Variants in BRIP1 observed in about 807,000 individuals in gnomAD.
The protein encoded by BRIP1 is BRCA1 interacting DNA helicase 1.
BRIP1 carries 88 observed loss-of-function variants against 119.7 expected under a neutral mutation model. That is an observed-to-expected ratio of 0.74 (90% confidence interval 0.62 to 0.88). BRIP1 has a LOEUF of 0.88. Ranked by LOEUF, BRIP1 falls within the 40% of genes least tolerant of loss-of-function variation. The pLI is 0.00. For synonymous variants in BRIP1, 443 were observed against 496.5 expected, an observed-to-expected ratio of 0.89 and a Z score of 1.43; for missense variants, 1,259 against 1,455.4, an observed-to-expected ratio of 0.87 and a Z score of 2.20.
rs2061987670 is a variant in BRIP1, at chr17:61,722,018, C to T, written c.2380-5955G>A. Among the ~76,000 whole-genome samples the T allele has an allele frequency of 6.7e-6, 1 of 148,956 alleles. No homozygotes were observed. Among genetic ancestry groups the T allele is most frequent in the East Asian group, 2.0e-4 (1 of 5,032 alleles). The stretch of plus-strand genomic sequence containing the variant: ...TGCTGGGATTACAGGTGTGAGCCAC[C>T]ACGCCTAGCCAACTTTGCTTTTTTT... On this transcript the variant is annotated intron_variant, in intron 16 of 19. Transcript: ENST00000259008. This position sits in a 1 kb window ranked among gnomAD's most constrained non-coding sequence, Gnocchi z 4.6.
Position 61,738,722 on chromosome 17 carries a change from T to C in BRIP1, c.2379+4291A>G, listed in dbSNP as rs574021328. On this transcript the variant is annotated intron_variant, in intron 16 of 19. Transcript: ENST00000259008. This position sits in a 1 kb window ranked among gnomAD's most constrained non-coding sequence, Gnocchi z 4.2. ...GAGAAATGGAATTTTCTCACAAATG[T>C]ATATTTTTAATTTTAAGAATTTTTG... Among the ~76,000 whole-genome samples the C allele has an allele frequency of 2.0e-5, 3 of 152,200 alleles. No homozygotes were observed. Among genetic ancestry groups the C allele is most frequent in the Non-Finnish European group, 4.4e-5 (3 of 68,032 alleles).
At chr17:61,781,108 G>A (rs994269585) in intron 11 of BRIP1, 103 bp from the exon 12 acceptor site, 45 of 1,039,764 alleles carry the variant, frequency 4.3e-5, no homozygotes, top group Non-Finnish European at 6.3e-5. Context: ...ATTTGAAAGA[G>A]CTGGTACCTT....
intron 17 of BRIP1, among the ~76,000 whole-genome samples, chr17:61,696,354 T>C (rs2061521101): frequency 6.6e-6 from 1 of 152,166 alleles, no homozygotes; most frequent in Admixed American, 6.5e-5. Flanking sequence ...TTTTAGTATG[T>C]TGCTGATTCT....
rs2078924918 is a variant in BRIP1 at position 61,858,221 on chromosome 17, T to C, written c.206-990A>G. Among the ~76,000 whole-genome samples the C allele has an allele frequency of 2.0e-5, 3 of 152,148 alleles. No individual in the cohort carries two copies. In the South Asian group the frequency reaches 6.2e-4, roughly 32 times the overall value. On this transcript the variant is annotated intron_variant, in intron 3 of 19. Coordinates refer to ENST00000259008, the MANE Select transcript of BRIP1 (RefSeq NM_032043.3). The stretch of plus-strand genomic sequence containing the variant: ...TTTTTAAAAATAATCAGTATTGACA[T>C]TGTTTTCCCATTTGTACCATATAAA...
intron 6 of BRIP1, among the ~76,000 whole-genome samples, chr17:61,835,660 G>C (rs1426262806): frequency 6.6e-6 from 1 of 151,458 alleles, no homozygotes; most frequent in Non-Finnish European, 1.5e-5. Context: ...TTGAAGCCAA[G>C]TGGAATTCTT....
Position 61,810,611 on chromosome 17 carries a change from T to TC in BRIP1, c.628-1855dup, listed in dbSNP as rs1454055681. ...ACATTCTATCTAAGCATAAAAGTAA[T>TC]CCAATAAAGTAGCTTTTTCTCAAGG... On this transcript the variant is annotated intron_variant, in intron 6 of 19. Coordinates refer to ENST00000259008, the MANE Select transcript of BRIP1 (RefSeq NM_032043.3). The surrounding 1 kb of genome is among the most constrained non-coding windows in gnomAD (Gnocchi z 4.7). 1.3e-5 allele frequency among the ~76,000 whole-genome samples: 2 copies of TC among 152,206 alleles called. No homozygotes were observed. The highest frequency in any genetic ancestry group is 4.8e-5 in the African/African-American group (2 of 41,454).
At position 61,814,004 on chromosome 17, in the gene BRIP1, C is replaced by A. The variant is rs140622076; in HGVS notation, c.628-5247G>T. Among the ~76,000 whole-genome samples the A allele has an allele frequency of 6.6e-6, 1 of 152,144 alleles. No individual in the cohort carries two copies. The highest frequency in any genetic ancestry group is 6.5e-5 in the Admixed American group (1 of 15,284). On this transcript the variant is annotated intron_variant, in intron 6 of 19. Coordinates refer to ENST00000259008, the MANE Select transcript of BRIP1 (RefSeq NM_032043.3). The surrounding 1 kb of genome is among the most constrained non-coding windows in gnomAD (Gnocchi z 4.9). The stretch of plus-strand genomic sequence containing the variant: ...AAAATTGTTTTAACTTATTAGTTGA[C>A]ATTTAAATCAAATATGTTATAACAA...
chr17:61,846,447 G>GTGCA lies in BRIP1; in HGVS notation c.627+650_627+653dup, dbSNP rs1279192240. Among the ~76,000 whole-genome samples the GTGCA allele has an allele frequency of 6.6e-6, 1 of 151,796 alleles. No homozygotes were observed. The highest frequency in any genetic ancestry group is 1.5e-5 in the Non-Finnish European group (1 of 67,936). On this transcript the variant is annotated intron_variant, in intron 6 of 19. Transcript: ENST00000259008. This position sits in a 1 kb window ranked among gnomAD's most constrained non-coding sequence, Gnocchi z 4.3. ...GTCATCCAGGCTGGAGTGCAGTGTG[G>GTGCA]TGCAATCTTGGCTCAGTGCACCTTT...
chr17:61,829,882 G>GA (rs989309351), intron 6 of BRIP1, among the ~76,000 whole-genome samples: 9 of 147,328 alleles, frequency 6.1e-5, no homozygotes, highest in East Asian at 3.9e-4. Context: ...TTTTATTTAG[G>GA]AAAAAAAAAG....
At chr17:61,839,193 A>T (rs2145683435) in intron 6 of BRIP1, among the ~76,000 whole-genome samples, 1 of 152,104 alleles carries the variant, frequency 6.6e-6, no homozygotes, top group Admixed American at 6.5e-5. Context: ...TTCTCTGAAA[A>T]CCTAGATGTA....
In BRIP1 at chr17:61,786,704, TG is replaced by T. The variant is rs1567819011; in HGVS notation, c.1474-2281del. On this transcript the variant is annotated intron_variant, in intron 10 of 19. Coordinates refer to ENST00000259008, the MANE Select transcript of BRIP1 (RefSeq NM_032043.3). ...CAGCTTTATTGAGCTATAATTCACATGCTTACAATTTACCTTTTTAAAGTGA... is the reference window on the plus strand; with the variant it reads ...CAGCTTTATTGAGCTATAATTCACATCTTACAATTTACCTTTTTAAAGTGA... 2.1e-5 allele frequency among the ~76,000 whole-genome samples: 3 copies of T among 142,684 alleles called. No individual in the cohort carries two copies. In the East Asian group the frequency reaches 5.9e-4, roughly 28 times the overall value. The allele number at this position is 142,684 out of a possible 152,430, so 93.6% of individuals were successfully genotyped here.
At chr17:61,764,488 G>A (rs188243799) in intron 14 of BRIP1, among the ~76,000 whole-genome samples, 1 of 152,264 alleles carries the variant, frequency 6.6e-6, no homozygotes, top group African/African-American at 2.4e-5. Flanking sequence ...GACTACCACT[G>A]CATCAAGTTA....
chr17:61,807,062 G>T lies in BRIP1; in HGVS notation c.918+1405C>A, dbSNP rs2078084992. On this transcript the variant is annotated intron_variant, in intron 7 of 19. Coordinates refer to ENST00000259008, the MANE Select transcript of BRIP1 (RefSeq NM_032043.3). This position sits in a 1 kb window ranked among gnomAD's most constrained non-coding sequence, Gnocchi z 4.5. The stretch of plus-strand genomic sequence containing the variant: ...TAAAACAAAAAAAGATAAAAATATG[G>T]TGACAATGCCAGCAAGTCTTCTTGC... Among the ~76,000 whole-genome samples, 1 of 152,086 alleles carries T rather than the reference G, an allele frequency of 6.6e-6. No individual in the cohort carries two copies. Among genetic ancestry groups the T allele is most frequent in the African/African-American group, 2.4e-5 (1 of 41,392 alleles).
rs2077191548 is a variant in BRIP1, at chr17:61,755,686, T to C, written c.2098-11095A>G. On this transcript the variant is annotated intron_variant, in intron 14 of 19. Coordinates refer to ENST00000259008, the MANE Select transcript of BRIP1 (RefSeq NM_032043.3). This position sits in a 1 kb window ranked among gnomAD's most constrained non-coding sequence, Gnocchi z 4.5. ...AAACAGACTAGCTAGACTAGACTAGTTTTCTCTTGGTGAGACTTTGTTCAT... is the reference window on the plus strand; with the variant it reads ...AAACAGACTAGCTAGACTAGACTAGCTTTCTCTTGGTGAGACTTTGTTCAT... Among the ~76,000 whole-genome samples, 1 of 152,178 alleles carries C rather than the reference T, an allele frequency of 6.6e-6. No homozygotes were observed. Among genetic ancestry groups the C allele is most frequent in the African/African-American group, 2.4e-5 (1 of 41,448 alleles).
intron 6 of BRIP1, among the ~76,000 whole-genome samples, chr17:61,835,243 G>C (rs774213516): frequency 6.6e-6 from 1 of 152,090 alleles, no homozygotes; most frequent in Non-Finnish European, 1.5e-5. Flanking sequence ...ATCTTGACCT[G>C]ATGTATTTAA....
chr17:61,749,795 G>T (rs544711293), intron 14 of BRIP1, among the ~76,000 whole-genome samples: 8 of 152,244 alleles, frequency 5.3e-5, no homozygotes, highest in African/African-American at 1.9e-4. Flanking sequence ...TATTTGTTTT[G>T]ATACTACTGC....
rs1051398051 is a variant in BRIP1 at position 61,708,291 on chromosome 17, G to T, written c.2492+7660C>A. Among the ~76,000 whole-genome samples the T allele has an allele frequency of 6.6e-6, 1 of 152,124 alleles. No individual in the cohort carries two copies. Among genetic ancestry groups the T allele is most frequent in the East Asian group, 1.9e-4 (1 of 5,194 alleles). ...CATTTAAAAATGCATGCCCTTCTGA[G>T]TTGCATGATAAAAATCTCATGCTGT... is the stretch of plus-strand genomic sequence containing the variant. On this transcript the variant is annotated intron_variant, in intron 17 of 19. Transcript: ENST00000259008. The surrounding 1 kb of genome is among the most constrained non-coding windows in gnomAD (Gnocchi z 4.4).
Position 61,740,903 on chromosome 17 carries a change from TTAAAA to T in BRIP1, c.2379+2105_2379+2109del, listed in dbSNP as rs1262005709. Among the ~76,000 whole-genome samples the T allele has an allele frequency of 3.3e-5, 5 of 152,190 alleles. No homozygotes were observed. Among genetic ancestry groups the T allele is most frequent in the East Asian group, 1.9e-4 (1 of 5,196 alleles). ...ACGTTGGAGTGGCTGTGGCAATTTC[TTAAAA>T]TAAGACGACCATGAAGTTTGCTCTA... On this transcript the variant is annotated intron_variant, in intron 16 of 19. Transcript: ENST00000259008. This position sits in a 1 kb window ranked among gnomAD's most constrained non-coding sequence, Gnocchi z 5.4.
rs995311687 is a variant in BRIP1 at position 61,856,980 on chromosome 17, T to A, written c.379+78A>T. ...TAATCAGTTATGCTAACCAAACTTA[T>A]ATAAATTAGGGCTTATAACAGTAAT... On this transcript the variant is annotated intron_variant, in intron 4 of 19. Transcript: ENST00000259008. The surrounding 1 kb of genome is among the most constrained non-coding windows in gnomAD (Gnocchi z 5.1). 18 of 1,410,306 alleles carry A rather than the reference T, an allele frequency of 1.3e-5. No homozygotes were observed. The highest frequency in any genetic ancestry group is 1.7e-5 in the Non-Finnish European group (17 of 995,898). 87.4% of individuals were successfully genotyped at this position (1,410,306 alleles called of 1,614,324 possible). A position where few individuals can be genotyped will look rare whatever the true frequency, so the allele number is the denominator to read the frequency against.
Sources: gnomAD v4.1 joint callset for allele counts (sites outside exome capture counted in the v4.1 genomes callset) on GRCh38, gnomAD v4.1.1 for gene constraint, Gnocchi (gnomAD v3.1) non-coding constraint, MANE v1.5 for transcripts, NCBI Gene and HGNC (gene_info 2026-07-23, HGNC 2026-07-21) for gene names.